Variants in FBXL4 observed in about 807,000 individuals in gnomAD.
The protein encoded by FBXL4 is F-box/LRR-repeat protein 4.
A neutral mutation model predicts 58.9 loss-of-function variants in FBXL4; 40 were observed. The observed-to-expected ratio is 0.68, with a 90% CI of 0.53 to 0.88. The LOEUF is 0.88. FBXL4 is among the 40% of genes least tolerant of loss of function. FBXL4 has a pLI of 0.00. For synonymous variants in FBXL4, 263 were observed against 265.5 expected, an observed-to-expected ratio of 0.99 and a Z score of 0.09; for missense variants, 676 against 734.4, an observed-to-expected ratio of 0.92 and a Z score of 0.92.
chr6:98,942,250 TATTC>T (rs1773460301), intron 1 of FBXL4, among the ~76,000 whole-genome samples: 1 of 151,868 alleles, frequency 6.6e-6, no homozygotes, highest in African/African-American at 2.4e-5. Context: ...GAAGACATAC[TATTC>T]AAGTAACAGT....
At chr6:98,911,532 C>T (rs540985020) in intron 5 of FBXL4, among the ~76,000 whole-genome samples, 30 of 152,304 alleles carry the variant, frequency 2.0e-4, no homozygotes, top group Admixed American at 5.9e-4. Context: ...CGAAAATCTG[C>T]GGTTCTGCAG....
At chr6:98,930,344 C>A (rs1007679976) in intron 2 of FBXL4, among the ~76,000 whole-genome samples, 1 of 152,198 alleles carries the variant, frequency 6.6e-6, no homozygotes, top group African/African-American at 2.4e-5. Flanking sequence ...CACTTGAGCC[C>A]GCCGGGGCGG....
chr6:98,910,640 G>C (rs1772006140), intron 5 of FBXL4, among the ~76,000 whole-genome samples: 2 of 150,850 alleles, frequency 1.3e-5, no homozygotes, highest in South Asian at 2.1e-4. Flanking sequence ...CTGGGCAACA[G>C]AGCGAGACTC....
chr6:98,886,575 T>C (rs746434671), intron 7 of FBXL4, among the ~76,000 whole-genome samples: 8 of 152,234 alleles, frequency 5.3e-5, no homozygotes, highest in Non-Finnish European at 7.3e-5. Flanking sequence ...TTTCACTATT[T>C]CTTTGAACTG....
intron 2 of FBXL4, among the ~76,000 whole-genome samples, chr6:98,931,494 T>C (rs1242290962): frequency 6.6e-6 from 1 of 152,216 alleles, no homozygotes; most frequent in Non-Finnish European, 1.5e-5. Flanking sequence ...TATTTAATGC[T>C]AATTTTTTCA....
intron 7 of FBXL4, chr6:98,897,412 T>C: frequency 1.1e-6 from 1 of 924,342 alleles, no homozygotes; most frequent in Non-Finnish European, 1.3e-6. Context: ...ATAAAAAATC[T>C]GGAAATCTGA....
rs139840664 is a variant in FBXL4 at position 98,870,033 on chromosome 6, T to C, written c.*4245A>G. The C allele has an allele frequency of 2.0e-5, 3 of 152,320 alleles. No homozygotes were observed. The highest frequency in any genetic ancestry group is 2.9e-5 in the Non-Finnish European group (2 of 68,016). 9.4% of individuals were successfully genotyped at this position (152,320 alleles called of 1,614,324 possible). A position where few individuals can be genotyped will look rare whatever the true frequency, so the allele number is the denominator to read the frequency against. On this transcript the variant is annotated 3_prime_UTR_variant, in exon 10 of 10. Coordinates refer to ENST00000369244, the MANE Select transcript of FBXL4 (RefSeq NM_001278716.2). ...GTCAGTTGTCAAAGCTAACAATGCA[T>C]CACCTGGCTTCAAAATTTAACAAAC...
intron 4 of FBXL4, among the ~76,000 whole-genome samples, chr6:98,919,954 A>C (rs1262317260): frequency 6.6e-6 from 1 of 152,154 alleles, no homozygotes; most frequent in Non-Finnish European, 1.5e-5. Flanking sequence ...GGTTTACAGC[A>C]CATGTGAACT....
chr6:98,920,667 T>A (rs1218377832), intron 4 of FBXL4, among the ~76,000 whole-genome samples: 1 of 152,182 alleles, frequency 6.6e-6, no homozygotes, highest in Non-Finnish European at 1.5e-5. Flanking sequence ...CATTTCTAAG[T>A]TAAAATGAGA....
rs939377900 is a variant in FBXL4, at chr6:98,917,602, A to G, written c.630T>C (p.Asn210=). The part of the protein sequence containing the change: ...FPTNLIRLEV[N]SSLLEYYTEL... ...CAGTGTAATATTCCAGAAGAGAACT[A>G]TTTACTTCCAGTCGTATAAGATTTG... Residue 210 remains asparagine, a synonymous_variant, in exon 5 of 10, where the codon AAT becomes AAC. Coordinates refer to ENST00000369244, the MANE Select transcript of FBXL4 (RefSeq NM_001278716.2). 1.9e-6 allele frequency: 3 copies of G among 1,613,976 alleles called. No homozygotes were observed. Among genetic ancestry groups the G allele is most frequent in the South Asian group, 1.1e-5 (1 of 91,062 alleles).
chr6:98,942,226 A>G (rs1773459295), intron 1 of FBXL4, among the ~76,000 whole-genome samples: 2 of 152,124 alleles, frequency 1.3e-5, no homozygotes, highest in African/African-American at 4.8e-5. Context: ...AGAATTAAAT[A>G]CTTCAAAAAC....
Position 98,905,606 on chromosome 6 carries a change from T to C in FBXL4, c.923A>G (p.Lys308Arg), listed in dbSNP as rs115004708. The change falls in exon 6 of 10, where the codon AAA (lysine) becomes AGA (arginine). Residue 308 changes from lysine (K) to arginine (R), a missense_variant. Lys to Arg is a conservative substitution (Grantham distance 26). Coordinates refer to ENST00000369244, the MANE Select transcript of FBXL4 (RefSeq NM_001278716.2). ...ATCACAGCAATGCTGGCTCAGTAGT[T>C]TGCAAGTCTGTGCTAATCTACACAG... ...PDLCRLAQTC[K>R]LLSQHCCDPL... 1.6e-5 allele frequency: 26 copies of C among 1,614,000 alleles called. No homozygotes were observed. Among genetic ancestry groups the C allele is most frequent in the Non-Finnish European group, 2.2e-5 (26 of 1,179,966 alleles).
intron 1 of FBXL4, among the ~76,000 whole-genome samples, chr6:98,939,857 C>G (rs924306351): frequency 6.6e-6 from 1 of 152,204 alleles, no homozygotes; most frequent in Non-Finnish European, 1.5e-5. Flanking sequence ...TTACTAGAGA[C>G]AAACTGCTCA....
chr6:98,878,045 T>A lies in FBXL4; in HGVS notation c.1390-2318A>T, dbSNP rs539343772. ...CTGGCACTTGTGGCACAAAGATTAG[T>A]TTCAGAAAAAAAGTGACACAACTAA... On this transcript the variant is annotated intron_variant, in intron 8 of 9. Coordinates refer to ENST00000369244, the MANE Select transcript of FBXL4 (RefSeq NM_001278716.2). 2.0e-5 allele frequency among the ~76,000 whole-genome samples: 3 copies of A among 152,288 alleles called. No individual in the cohort carries two copies. In the East Asian group the frequency reaches 5.8e-4, roughly 29 times the overall value.
rs1770633773 is a variant in FBXL4, at chr6:98,875,623, T to C, written c.1494A>G (p.Ala498=). 6.2e-7 allele frequency: 1 copy of C among 1,614,172 alleles called. No homozygotes were observed. The highest frequency in any genetic ancestry group is 8.5e-7 in the Non-Finnish European group (1 of 1,180,016). The change falls in exon 9 of 10, where the codon GCA becomes GCG. Residue 498 remains alanine, a synonymous_variant. Coordinates refer to ENST00000369244, the MANE Select transcript of FBXL4 (RefSeq NM_001278716.2). ...GTAGTGGACACCCAGAAGCCAGTTC[T>C]GCTATTCCATTCTCAGTAATATTCT... ...RCKNITENGI[A]ELASGCPLLE... is the part of the protein sequence containing the mutation.
chr6:98,889,029 T>A (rs1771131992), intron 7 of FBXL4, among the ~76,000 whole-genome samples: 1 of 152,202 alleles, frequency 6.6e-6, no homozygotes, highest in Non-Finnish European at 1.5e-5. Context: ...CATAATTAAA[T>A]ATTCAAGTTG....
In FBXL4 at chr6:98,905,645, A is replaced by C; in HGVS notation, c.884T>G (p.Leu295Arg). 6.2e-7 allele frequency: 1 copy of C among 1,613,874 alleles called. No homozygotes were observed. Among genetic ancestry groups the C allele is most frequent in the Non-Finnish European group, 8.5e-7 (1 of 1,179,856 alleles). The change falls in exon 6 of 10, where the codon CTT becomes CGT. Residue 295 changes from leucine (L) to arginine (R), a missense_variant. Coordinates refer to ENST00000369244, the MANE Select transcript of FBXL4 (RefSeq NM_001278716.2). ...TAATCTACACAGGTCTGGTAGTGTAAGATGATTCAGAATCAGCTGAATAAG... is the reference window on the plus strand; with the variant it reads ...TAATCTACACAGGTCTGGTAGTGTACGATGATTCAGAATCAGCTGAATAAG... ...YELIQLILNH[L>R]TLPDLCRLAQ...
intron 7 of FBXL4, among the ~76,000 whole-genome samples, chr6:98,894,658 T>C (rs184251452): frequency 6.6e-6 from 1 of 152,332 alleles, no homozygotes; most frequent in East Asian, 1.9e-4. Flanking sequence ...CTTTTATTGA[T>C]GTAATAGTAT....
chr6:98,917,304 A>C, intron 5 of FBXL4, 70 bp downstream of exon 5: 1 of 1,045,868 alleles, frequency 9.6e-7, no homozygotes, highest in Non-Finnish European at 1.4e-6. Context: ...TGCTCAGTAA[A>C]CATTAATATC....
Sources: gnomAD v4.1 joint callset for allele counts (sites outside exome capture counted in the v4.1 genomes callset) on GRCh38, gnomAD v4.1.1 for gene constraint, MANE v1.5 for transcripts, NCBI Gene and HGNC (gene_info 2026-07-23, HGNC 2026-07-21) for gene names.